Variants in STARD13 observed in about 807,000 individuals in gnomAD.
The protein encoded by STARD13 is stAR-related lipid transfer protein 13.
In STARD13, 62 loss-of-function variants were observed where a neutral mutation model predicts 106.4. That is an observed-to-expected ratio of 0.58 (90% CI 0.48 to 0.72). The LOEUF is 0.72. Ranked by LOEUF, STARD13 falls within the 30% of genes least tolerant of loss-of-function variation. The pLI is 0.00. For synonymous variants in STARD13, 565 were observed against 553.0 expected, an observed-to-expected ratio of 1.02 and a Z score of -0.31; for missense variants, 1,387 against 1,424.0, an observed-to-expected ratio of 0.97 and a Z score of 0.42.
chr13:33,122,842 G>A (rs1200208925), intron 7 of STARD13, among the ~76,000 whole-genome samples: 1 of 152,006 alleles, frequency 6.6e-6, no homozygotes, highest in East Asian at 1.9e-4. Flanking sequence ...ATCACCTGAG[G>A]TCAGGAGTTC....
chr13:33,287,221 G>A (rs1892100899), upstream of STARD13, among the ~76,000 whole-genome samples: 1 of 152,106 alleles, frequency 6.6e-6, no homozygotes, highest in Non-Finnish European at 1.5e-5. Context: ...TTCTTACTCT[G>A]GCTCTCCGAG....
the STARD13 span, among the ~76,000 whole-genome samples, chr13:33,421,581 C>T: frequency 6.6e-6 from 1 of 152,152 alleles, no homozygotes; most frequent in Non-Finnish European, 1.5e-5. Flanking sequence ...GGGAATCCTC[C>T]CTAACTCATT....
intron 1 of STARD13, among the ~76,000 whole-genome samples, chr13:33,197,625 A>G (rs893403230): frequency 1.3e-5 from 2 of 152,222 alleles, no homozygotes; most frequent in Non-Finnish European, 2.9e-5. Flanking sequence ...TCTGCCCAGC[A>G]TTCGACACAG....
rs2138425422 is a variant in STARD13 at position 33,177,748 on chromosome 13, A to AC, written c.170-10127_170-10126insG. Among the ~76,000 whole-genome samples, 4 of 89,038 alleles carry AC rather than the reference A, an allele frequency of 4.5e-5. 2 individuals are homozygous for AC. Among genetic ancestry groups the AC allele is most frequent in the South Asian group, 6.7e-4 (2 of 2,972 alleles). The allele number at this position is 89,038 out of a possible 152,430, so 58.4% of individuals were successfully genotyped here. On this transcript the variant is annotated intron_variant, in intron 1 of 13. Coordinates refer to ENST00000336934, the MANE Select transcript of STARD13 (RefSeq NM_178006.4). ...GGAGAAAGGGAGGGAGGAAGGAAGG[A>AC]AAAAAGGAAGGAAGGAAGGAAAGGA...
At chr13:33,248,598 T>A (rs571745640) in intron 1 of STARD13, among the ~76,000 whole-genome samples, 18 of 152,206 alleles carry the variant, frequency 1.2e-4, no homozygotes, top group African/African-American at 4.3e-4. Context: ...TGCTCCCCCA[T>A]CCCTCTATTC....
At chr13:33,174,363 T>G (rs185723613) in intron 1 of STARD13, among the ~76,000 whole-genome samples, 1 of 152,150 alleles carries the variant, frequency 6.6e-6, no homozygotes, top group Admixed American at 6.5e-5. Flanking sequence ...CCAGCTGCCA[T>G]GTGCAGTTCT....
the STARD13 span, among the ~76,000 whole-genome samples, chr13:33,481,055 G>A: frequency 6.6e-6 from 1 of 151,454 alleles, no homozygotes; most frequent in Non-Finnish European, 1.5e-5. Flanking sequence ...TTAGTTTCTA[G>A]TGCCACTAAA....
At chr13:33,249,505 T>C (rs1341270386) in intron 1 of STARD13, among the ~76,000 whole-genome samples, 1 of 152,226 alleles carries the variant, frequency 6.6e-6, no homozygotes, top group East Asian at 1.9e-4. Flanking sequence ...AAGGTTTCCT[T>C]AGCCACCTAC....
At chr13:33,438,234 G>C in the STARD13 span, among the ~76,000 whole-genome samples, 1 of 152,172 alleles carries the variant, frequency 6.6e-6, no homozygotes, top group Non-Finnish European at 1.5e-5. Flanking sequence ...TACTTTGATT[G>C]TCTAAAAGCT....
At chr13:33,499,625 C>CT in the STARD13 span, among the ~76,000 whole-genome samples, 5 of 121,746 alleles carry the variant, frequency 4.1e-5, no homozygotes, top group African/African-American at 2.1e-4. Context: ...TCTTCTTCTT[C>CT]TTCTTCTTCT....
chr13:33,663,136 T>C, the STARD13 span, among the ~76,000 whole-genome samples: 2 of 152,136 alleles, frequency 1.3e-5, no homozygotes, highest in Non-Finnish European at 2.9e-5. Context: ...TGGAGCGTAG[T>C]GTGCAGTGGT....
chr13:33,508,277 C>G, the STARD13 span, among the ~76,000 whole-genome samples: 1 of 152,132 alleles, frequency 6.6e-6, no homozygotes, highest in African/African-American at 2.4e-5. Context: ...GACAGGCCAA[C>G]AAAGGAATAT....
chr13:33,163,605 AATAT>A (rs1249911753), intron 3 of STARD13, among the ~76,000 whole-genome samples: 126 of 97,618 alleles, frequency 1.3e-3, no homozygotes, highest in East Asian at 5.4e-3. Context: ...AAAAAAAAAA[AATAT>A]ATATATATAT....
intron 1 of STARD13, among the ~76,000 whole-genome samples, chr13:33,255,218 T>C (rs1890299742): frequency 6.6e-6 from 1 of 152,068 alleles, no homozygotes; most frequent in Non-Finnish European, 1.5e-5. Flanking sequence ...ACAACAAAGT[T>C]GAAAGCCTCA....
At chr13:33,650,778 G>A in the STARD13 span, among the ~76,000 whole-genome samples, 2 of 152,220 alleles carry the variant, frequency 1.3e-5, no homozygotes, top group African/African-American at 4.8e-5. Flanking sequence ...CAAGGGCTCT[G>A]CCCCTGTGAA....
the STARD13 span, among the ~76,000 whole-genome samples, chr13:33,463,790 G>A: frequency 6.6e-6 from 1 of 151,988 alleles, no homozygotes; most frequent in Non-Finnish European, 1.5e-5. Flanking sequence ...GAGATGGGTA[G>A]ATCACGAGGT....
the STARD13 span, among the ~76,000 whole-genome samples, chr13:33,460,665 A>G: frequency 6.6e-6 from 1 of 152,104 alleles, no homozygotes; most frequent in Non-Finnish European, 1.5e-5. Flanking sequence ...CCCAAATTAA[A>G]AAATAAAAGT....
intron 3 of STARD13, among the ~76,000 whole-genome samples, chr13:33,148,685 C>T (rs142151533): frequency 6.6e-6 from 1 of 152,204 alleles, no homozygotes; most frequent in Non-Finnish European, 1.5e-5. Flanking sequence ...GCCAAATACA[C>T]TTTTATCATA....
intron 1 of STARD13, among the ~76,000 whole-genome samples, chr13:33,189,948 A>C (rs745565513): frequency 6.6e-6 from 1 of 151,938 alleles, no homozygotes; most frequent in East Asian, 1.9e-4. Context: ...TCCCAAACTT[A>C]ACTCTAGATT....
Sources: gnomAD v4.1 joint callset for allele counts (sites outside exome capture counted in the v4.1 genomes callset) on GRCh38, gnomAD v4.1.1 for gene constraint, MANE v1.5 for transcripts, NCBI Gene and HGNC (gene_info 2026-07-23, HGNC 2026-07-21) for gene names.